PCDHA3: variants seen among roughly 807,000 people sequenced by gnomAD.
PCDHA3 encodes the protein protocadherin alpha-3.
PCDHA3 carries 41 observed loss-of-function variants against 62.2 expected under a neutral mutation model. That is an observed-to-expected ratio of 0.66 (90% CI 0.51 to 0.86). The LOEUF is 0.86. Among genes scored for constraint, PCDHA3 ranks in the 40% least tolerant of loss-of-function variants. The probability of loss-of-function intolerance (pLI) is 0.00; values close to 1 mark genes in which losing one functional copy is unlikely to be tolerated. For synonymous variants in PCDHA3, 640 were observed against 555.4 expected (o/e 1.15, Z -2.14); for missense variants, 1,304 against 1,241.2 (o/e 1.05, Z -0.76).
chr5:140,884,791 C>T, intron 1 of PCDHA3: 1 of 1,319,574 alleles, frequency 7.6e-7, no homozygotes, highest in Non-Finnish European at 1.0e-6. Context: ...TAGTTGTTAT[C>T]GAATTTAACA....
At chr5:140,870,248 G>T in intron 1 of PCDHA3, 1 of 1,614,190 alleles carries the variant, frequency 6.2e-7, no homozygotes, top group South Asian at 1.1e-5. Context: ...GGTGTCAACG[G>T]ACAGGTGACC....
At chr5:140,877,943 T>C in intron 1 of PCDHA3, 1 of 1,363,226 alleles carries the variant, frequency 7.3e-7, no homozygotes, top group Non-Finnish European at 9.6e-7. Context: ...TCCTTTAAAC[T>C]ATCGAATGTC....
chr5:140,943,321 G>A (rs1012061757), intron 1 of PCDHA3, among the ~76,000 whole-genome samples: 4 of 150,454 alleles, frequency 2.7e-5, no homozygotes, highest in Non-Finnish European at 5.9e-5. Context: ...TAGCAATATT[G>A]TGTAGTATCC....
At chr5:140,891,174 T>C (rs147745090) in intron 1 of PCDHA3, among the ~76,000 whole-genome samples, 2,208 of 152,320 alleles carry the variant, frequency 0.014, 24 homozygotes, top group Non-Finnish European at 0.022. Flanking sequence ...TTTTCAGATT[T>C]TCTGTGTGTC....
At position 140,803,047 on chromosome 5, in the gene PCDHA3, G is replaced by A; in HGVS notation, c.1850G>A (p.Gly617Asp). The A allele has an allele frequency of 6.2e-7, 1 of 1,614,018 alleles. No individual in the cohort carries two copies. Among genetic ancestry groups the A allele is most frequent in the Non-Finnish European group, 8.5e-7 (1 of 1,179,946 alleles). Residue 617 changes from glycine to aspartate, a missense_variant, in exon 1 of 4, where the codon GGT becomes GAT. Gly to Asp is a moderately conservative substitution (Grantham distance 94). Coordinates refer to ENST00000522353, the MANE Select transcript of PCDHA3 (RefSeq NM_018906.3). The stretch of plus-strand genomic sequence containing the variant: ...TATGAGCTGCAGCCTGGGACCGGCG[G>A]TGCGCGCATCCCGTTTCGCGTGGGG... ...LSYELQPGTG[G>D]ARIPFRVGLY... is the part of the protein sequence containing the mutation.
chr5:140,895,647 C>T (rs954657912), intron 1 of PCDHA3, among the ~76,000 whole-genome samples: 1 of 151,996 alleles, frequency 6.6e-6, no homozygotes, highest in African/African-American at 2.4e-5. Context: ...TTTTTAGCTC[C>T]CACTTATAAG....
intron 1 of PCDHA3, chr5:140,804,896 A>G: frequency 1.4e-6 from 1 of 723,606 alleles, no homozygotes; most frequent in Non-Finnish European, 2.1e-6. Flanking sequence ...CCTTCCCCTC[A>G]CTTCCATTTT....
intron 1 of PCDHA3, chr5:140,884,024 G>T: frequency 1.2e-6 from 2 of 1,613,318 alleles, no homozygotes; most frequent in South Asian, 2.2e-5. Flanking sequence ...GCGGTCGGTG[G>T]GTGCAGGCCA....
rs782612711 is a variant in PCDHA3, at chr5:140,803,407, C to A, written c.2210C>A (p.Pro737His). 1 of 1,614,210 alleles carries A rather than the reference C, an allele frequency of 6.2e-7. No individual in the cohort carries two copies. The highest frequency in any genetic ancestry group is 2.2e-5 in the East Asian group (1 of 44,874). Reference sequence around the variant, plus strand: ...GAAGGCGACTGTGGGCCGGGCAAGCCCACGCTGGTGTGCTCCAGCGCGGTG... The same window carrying A: ...GAAGGCGACTGTGGGCCGGGCAAGCACACGCTGGTGTGCTCCAGCGCGGTG... ...PTEGDCGPGK[P>H]TLVCSSAVGS... The change falls in exon 1 of 4, where the codon CCC becomes CAC. Residue 737 changes from proline (P) to histidine (H), a missense_variant. Pro to His is a moderately conservative substitution (Grantham distance 77). Coordinates refer to ENST00000522353, the MANE Select transcript of PCDHA3 (RefSeq NM_018906.3).
chr5:140,883,251 T>C, intron 1 of PCDHA3: 1 of 1,614,086 alleles, frequency 6.2e-7, no homozygotes, highest in Non-Finnish European at 8.5e-7. Flanking sequence ...AAAGGAAATA[T>C]TCCAATGGCG....
At chr5:140,926,854 G>C (rs1554203742) in intron 1 of PCDHA3, 3 of 1,520,530 alleles carry the variant, frequency 2.0e-6, no homozygotes, top group South Asian at 2.6e-5. Flanking sequence ...GTCACCGTTG[G>C]TGTAGCGTGT....
chr5:140,879,064 G>C (rs1389510074), intron 1 of PCDHA3, among the ~76,000 whole-genome samples: 1 of 152,214 alleles, frequency 6.6e-6, no homozygotes, highest in South Asian at 2.1e-4. Flanking sequence ...TACCAAGAAA[G>C]TGTTAAGAGA....
intron 1 of PCDHA3, chr5:140,836,529 C>T (rs2150262984): frequency 6.2e-7 from 1 of 1,613,824 alleles, no homozygotes; most frequent in Admixed American, 1.7e-5. Flanking sequence ...GCTTACCCTG[C>T]TGCTGTACAC....
At chr5:140,871,283 C>G in intron 1 of PCDHA3, 4 of 1,613,936 alleles carry the variant, frequency 2.5e-6, no homozygotes, top group Non-Finnish European at 3.4e-6. Flanking sequence ...GCAACGCCCA[C>G]TGAGGGCGCG....
At chr5:140,910,837 A>G (rs1217601068) in intron 1 of PCDHA3, among the ~76,000 whole-genome samples, 1 of 152,188 alleles carries the variant, frequency 6.6e-6, no homozygotes, top group Non-Finnish European at 1.5e-5. Context: ...GCCTGATCCA[A>G]TGCCTTGGAT....
intron 1 of PCDHA3, chr5:140,808,463 AC>A (rs782633052): frequency 1.2e-6 from 2 of 1,614,166 alleles, no homozygotes; most frequent in South Asian, 2.2e-5. Flanking sequence ...GCTGGTGGTG[AC>A]CGCGCGAGAC....
At chr5:140,949,721 A>G (rs1466646683) in intron 1 of PCDHA3, among the ~76,000 whole-genome samples, 1 of 151,690 alleles carries the variant, frequency 6.6e-6, no homozygotes, top group East Asian at 1.9e-4. Context: ...CATTTTGATA[A>G]TATCTGCTTT....
intron 1 of PCDHA3, among the ~76,000 whole-genome samples, chr5:140,975,411 G>A (rs868983297): frequency 6.6e-6 from 1 of 152,236 alleles, no homozygotes; most frequent in African/African-American, 2.4e-5. Flanking sequence ...CAGTCTTGGA[G>A]ACTATTCAGG....
intron 3 of PCDHA3, among the ~76,000 whole-genome samples, chr5:140,985,770 C>T (rs1456292041): frequency 1.5e-5 from 2 of 132,222 alleles, no homozygotes; most frequent in African/African-American, 2.8e-5. Flanking sequence ...GAGACAGTCT[C>T]GCTCTGTCGC....
Sources: gnomAD v4.1 joint callset for allele counts (sites outside exome capture counted in the v4.1 genomes callset) on GRCh38, gnomAD v4.1.1 for gene constraint, MANE v1.5 for transcripts, NCBI Gene and HGNC (gene_info 2026-07-23, HGNC 2026-07-21) for gene names.